The following FA2H variants were observed in gnomAD, a reference collection of about 807,000 sequenced individuals.
FA2H encodes the protein fatty acid alpha-hydroxylase.
In FA2H, 22 loss-of-function variants were observed where a neutral mutation model predicts 44.9. The ratio of observed to expected loss-of-function variants is 0.49; its 90% CI spans 0.35 to 0.70. The LOEUF is 0.70. FA2H is among the 30% of genes least tolerant of loss of function. FA2H has a pLI of 0.01. For missense variants in FA2H, 501 were observed against 504.9 expected (o/e 0.99, Z 0.07); for synonymous variants, 243 against 213.2 (o/e 1.14, Z -1.22).
chr16:74,739,486 T>C (rs1219634587), intron 2 of FA2H, among the ~76,000 whole-genome samples: 4 of 152,094 alleles, frequency 2.6e-5, no homozygotes, highest in Non-Finnish European at 4.4e-5. Flanking sequence ...TGCTCAGCCA[T>C]AGCAAGGCAC....
chr16:74,720,255 G>C (rs1342617545), intron 4 of FA2H, among the ~76,000 whole-genome samples: 1 of 129,656 alleles, frequency 7.7e-6, no homozygotes, highest in Non-Finnish European at 1.6e-5. Context: ...GAGTGCAGTG[G>C]TGTGATCTCA....
At chr16:74,717,876 A>G (rs1961741700) in intron 5 of FA2H, among the ~76,000 whole-genome samples, 1 of 152,180 alleles carries the variant, frequency 6.6e-6, no homozygotes, top group South Asian at 2.1e-4. Flanking sequence ...TGGATCTGAA[A>G]AGGCTTCACA....
At chr16:74,734,923 C>T (rs1346706399) in intron 2 of FA2H, among the ~76,000 whole-genome samples, 2 of 152,244 alleles carry the variant, frequency 1.3e-5, no homozygotes, top group African/African-American at 4.8e-5. Flanking sequence ...TGCCCCAGGG[C>T]AGCTTTCTGA....
chr16:74,745,573 GC>G (rs1288182951), intron 1 of FA2H, among the ~76,000 whole-genome samples: 2 of 152,218 alleles, frequency 1.3e-5, no homozygotes, highest in African/African-American at 4.8e-5. Flanking sequence ...CTCATTCCCA[GC>G]CAAGAGCCAC....
At chr16:74,765,452 C>A (rs1038216577) in intron 1 of FA2H, among the ~76,000 whole-genome samples, 30 of 151,626 alleles carry the variant, frequency 2.0e-4, no homozygotes, top group Middle Eastern at 6.9e-3. Context: ...CCACCGTGCC[C>A]GGCTATGTTT....
At chr16:74,754,649 T>G (rs1488589597) in intron 1 of FA2H, among the ~76,000 whole-genome samples, 1 of 152,096 alleles carries the variant, frequency 6.6e-6, no homozygotes, top group Non-Finnish European at 1.5e-5. Context: ...CACCTTAGCC[T>G]CCTGAGTAGC....
chr16:74,754,838 T>C (rs1311229988), intron 1 of FA2H, among the ~76,000 whole-genome samples: 2 of 151,918 alleles, frequency 1.3e-5, no homozygotes, highest in Non-Finnish European at 2.9e-5. Context: ...AGAAATAGGA[T>C]CTTTGATGTA....
In FA2H at chr16:74,741,832, GTGTGTATGTGTGTGTA is replaced by G. The variant is rs1314042612; in HGVS notation, c.271-1733_271-1718del. 4.7e-5 allele frequency among the ~76,000 whole-genome samples: 4 copies of G among 85,910 alleles called. No homozygotes were observed. The East Asian group carries it at 1.4e-3, about 31-fold the overall frequency. The allele number at this position is 85,910 out of a possible 152,430, so 56.4% of individuals were successfully genotyped here. The stretch of plus-strand genomic sequence containing the variant: ...TATGTGTGTGTGTGTGTGTGTGTGT[GTGTGTATGTGTGTGTA>G]TGTGTGTATGTGTGTGTGTGTATGT... On this transcript the variant is annotated intron_variant, in intron 1 of 6. Coordinates refer to ENST00000219368, the MANE Select transcript of FA2H (RefSeq NM_024306.5).
intron 1 of FA2H, among the ~76,000 whole-genome samples, chr16:74,742,610 G>C (rs971577011): frequency 1.3e-5 from 2 of 152,174 alleles, no homozygotes; most frequent in African/African-American, 4.8e-5. Context: ...GAGGTGGGAG[G>C]ATTGCTTAAG....
chr16:74,737,071 G>C (rs1206753117), intron 2 of FA2H, among the ~76,000 whole-genome samples: 1 of 152,208 alleles, frequency 6.6e-6, no homozygotes, highest in Non-Finnish European at 1.5e-5. Context: ...CTCCGCTGCT[G>C]AGCATCTGGG....
chr16:74,765,638 G>A (rs563384428), intron 1 of FA2H, among the ~76,000 whole-genome samples: 1 of 152,178 alleles, frequency 6.6e-6, no homozygotes, highest in Admixed American at 6.5e-5. Flanking sequence ...TGCAGTCACG[G>A]CTCACTGCAG....
At chr16:74,727,212 A>G (rs748854992) in intron 3 of FA2H, 32 bp downstream of exon 3, 17 of 1,613,644 alleles carry the variant, frequency 1.1e-5, no homozygotes, top group Non-Finnish European at 1.4e-5. Context: ...GAAGAGAGGG[A>G]CAGCCTGCCA....
At chr16:74,769,177 C>T (rs73616448) in intron 1 of FA2H, among the ~76,000 whole-genome samples, 14,219 of 152,222 alleles carry the variant, frequency 0.093, 757 homozygotes, top group African/African-American at 0.14. Context: ...ATTGCAGGCT[C>T]AACTTCCCAG....
intron 1 of FA2H, among the ~76,000 whole-genome samples, chr16:74,769,783 C>T (rs1025339948): frequency 2.0e-5 from 3 of 152,222 alleles, no homozygotes; most frequent in Non-Finnish European, 4.4e-5. Flanking sequence ...GAGCACTGCT[C>T]TCGCCTGAGC....
At chr16:74,756,024 G>C (rs928067485) in intron 1 of FA2H, among the ~76,000 whole-genome samples, 1 of 152,200 alleles carries the variant, frequency 6.6e-6, no homozygotes, top group South Asian at 2.1e-4. Context: ...TCTGATGAAA[G>C]GAACGAGGAG....
intron 1 of FA2H, among the ~76,000 whole-genome samples, chr16:74,764,058 A>T (rs1962761694): frequency 6.6e-6 from 1 of 152,178 alleles, no homozygotes; most frequent in South Asian, 2.1e-4. Context: ...CTCAGTTATA[A>T]GCTTTATGAG....
chr16:74,747,098 G>A (rs1962438240), intron 1 of FA2H, among the ~76,000 whole-genome samples: 1 of 152,044 alleles, frequency 6.6e-6, no homozygotes, highest in Non-Finnish European at 1.5e-5. Flanking sequence ...ATCACCTGAG[G>A]TCAGGAGTTT....
chr16:74,755,520 C>T (rs1369273659), intron 1 of FA2H, among the ~76,000 whole-genome samples: 7 of 152,162 alleles, frequency 4.6e-5, no homozygotes, highest in African/African-American at 9.7e-5. Flanking sequence ...AAATGTGATC[C>T]TTTGCTGCAT....
At chr16:74,750,517 G>C (rs189557254) in intron 1 of FA2H, among the ~76,000 whole-genome samples, 1 of 152,220 alleles carries the variant, frequency 6.6e-6, no homozygotes, top group East Asian at 1.9e-4. Context: ...AATAGTCACT[G>C]AACTGTTTTA....
Sources: gnomAD v4.1 joint callset for allele counts (sites outside exome capture counted in the v4.1 genomes callset) on GRCh38, gnomAD v4.1.1 for gene constraint, MANE v1.5 for transcripts, NCBI Gene and HGNC (gene_info 2026-07-23, HGNC 2026-07-21) for gene names.